TAB2: variants seen among roughly 807,000 people sequenced by gnomAD.
TAB2 encodes the protein TGF-beta activated kinase 1 (MAP3K7) binding protein 2, also known as TGF-beta-activated kinase 1 and MAP3K7-binding protein 2.
In TAB2, 3 loss-of-function variants were observed where a neutral mutation model predicts 65.0. The ratio of observed to expected loss-of-function variants is 0.05; its 90% CI spans 0.02 to 0.12. The LOEUF is 0.12. Among genes scored for constraint, TAB2 ranks in the 10% least tolerant of loss-of-function variants. TAB2 has a pLI of 1.00. For synonymous variants in TAB2, 298 were observed against 285.1 expected (o/e 1.05, Z -0.46); for missense variants, 623 against 840.3 (o/e 0.74, Z 3.20).
chr6:149,260,027 T>A (rs1360485708), intron 1 of TAB2, among the ~76,000 whole-genome samples: 1 of 152,224 alleles, frequency 6.6e-6, no homozygotes, highest in Non-Finnish European at 1.5e-5. Flanking sequence ...ATCTGCCCTC[T>A]TTCTCAATCA....
intron 1 of TAB2, among the ~76,000 whole-genome samples, chr6:149,360,336 T>G (rs1292008841): frequency 6.6e-6 from 1 of 152,208 alleles, no homozygotes; most frequent in Admixed American, 6.5e-5. Context: ...TTGCCAAGCA[T>G]CGGCTCACCT....
At chr6:149,332,325 ATTTG>A (rs1562419622) in intron 1 of TAB2, among the ~76,000 whole-genome samples, 1 of 152,274 alleles carries the variant, frequency 6.6e-6, no homozygotes, top group East Asian at 1.9e-4. Flanking sequence ...TTATAGTGGT[ATTTG>A]TTTAAAACTA....
chr6:149,296,489 T>C (rs1220805445), intron 1 of TAB2, among the ~76,000 whole-genome samples: 2 of 152,258 alleles, frequency 1.3e-5, no homozygotes, highest in African/African-American at 4.8e-5. Context: ...AATGTCTTAC[T>C]GTCTTGTCAT....
intron 2 of TAB2, among the ~76,000 whole-genome samples, chr6:149,373,137 CT>C (rs1431408860): frequency 4.6e-5 from 7 of 152,136 alleles, no homozygotes; most frequent in African/African-American, 1.7e-4. Flanking sequence ...TGTAAGATAA[CT>C]TATAACCAGC....
chr6:149,366,631 T>C (rs1781048440), intron 1 of TAB2, among the ~76,000 whole-genome samples: 1 of 152,174 alleles, frequency 6.6e-6, no homozygotes, highest in Non-Finnish European at 1.5e-5. Flanking sequence ...TTTTCTTCCC[T>C]CCACCAATTT....
At chr6:149,344,563 G>T (rs911068384) in intron 1 of TAB2, among the ~76,000 whole-genome samples, 1 of 152,134 alleles carries the variant, frequency 6.6e-6, no homozygotes, top group Non-Finnish European at 1.5e-5. Context: ...AGAATAGTTG[G>T]ATAGGGAGGG....
At chr6:149,399,464 C>G (rs1308681363) in intron 6 of TAB2, among the ~76,000 whole-genome samples, 2 of 151,924 alleles carry the variant, frequency 1.3e-5, no homozygotes, top group African/African-American at 2.4e-5. Flanking sequence ...AAAACAATTA[C>G]TAAGTACAAA....
intron 1 of TAB2, among the ~76,000 whole-genome samples, chr6:149,266,241 C>T (rs905288101): frequency 1.3e-5 from 2 of 152,158 alleles, no homozygotes; most frequent in African/African-American, 4.8e-5. Context: ...AAAAGGAGCC[C>T]AAGGGATCCC....
chr6:149,347,550 A>G (rs990035918), intron 1 of TAB2, among the ~76,000 whole-genome samples: 2 of 152,166 alleles, frequency 1.3e-5, no homozygotes, highest in Non-Finnish European at 2.9e-5. Flanking sequence ...TTTGCAGATA[A>G]CTGATTATCT....
At chr6:149,257,509 G>A (rs946180980) in intron 1 of TAB2, 3 of 152,150 alleles carry the variant, frequency 2.0e-5, no homozygotes, top group Admixed American at 6.5e-5. Flanking sequence ...TGGACCGAAT[G>A]CAGCTGAAGT....
Position 149,317,872 on chromosome 6 carries a change from C to A in TAB2, c.-233C>A, listed in dbSNP as rs940915268. 1 of 165,862 alleles carries A rather than the reference C, an allele frequency of 6.0e-6. No homozygotes were observed. Among genetic ancestry groups the A allele is most frequent in the South Asian group, 1.1e-4 (1 of 8,804 alleles). The allele number at this position is 165,862 out of a possible 1,614,324, so 10.3% of individuals were successfully genotyped here. Reference sequence around the variant, plus strand: ...GGGAGGGAGGGAGGGCTGAGGTGTCCCCCCTGCCGGGTGGAACCGGAGGCG... The same window carrying A: ...GGGAGGGAGGGAGGGCTGAGGTGTCACCCCTGCCGGGTGGAACCGGAGGCG... On this transcript the variant is annotated 5_prime_UTR_variant, in exon 1 of 7. Coordinates refer to ENST00000637181, the MANE Select transcript of TAB2 (RefSeq NM_001292034.3). The surrounding 1 kb of genome is among the most constrained non-coding windows in gnomAD (Gnocchi z 4.7).
intron 1 of TAB2, among the ~76,000 whole-genome samples, chr6:149,342,008 T>C (rs1444971966): frequency 6.7e-6 from 1 of 150,294 alleles, no homozygotes; most frequent in African/African-American, 2.4e-5. Context: ...GTTGCAAGTT[T>C]GTTTTTGGTT....
chr6:149,265,634 A>G (rs1005302344), intron 1 of TAB2, among the ~76,000 whole-genome samples: 2 of 152,166 alleles, frequency 1.3e-5, no homozygotes, highest in Non-Finnish European at 2.9e-5. Context: ...TTTTATGAAA[A>G]GTAGAATAAA....
intron 1 of TAB2, among the ~76,000 whole-genome samples, chr6:149,351,233 G>C (rs987597454): frequency 6.6e-6 from 1 of 152,130 alleles, no homozygotes; most frequent in Non-Finnish European, 1.5e-5. Flanking sequence ...AGCTTTGTCA[G>C]ATTTCCCCAA....
At chr6:149,304,508 T>C (rs1779024581) in intron 1 of TAB2, 1 of 152,448 alleles carries the variant, frequency 6.6e-6, no homozygotes, top group Non-Finnish European at 1.5e-5. Context: ...GTTTCAGAAG[T>C]GGGACATGTC....
chr6:149,344,673 C>G (rs979383525), intron 1 of TAB2, among the ~76,000 whole-genome samples: 2 of 152,056 alleles, frequency 1.3e-5, no homozygotes, highest in Non-Finnish European at 2.9e-5. Flanking sequence ...TTTCTCAGAA[C>G]TGGTATGTGT....
At position 149,275,286 on chromosome 6, in the gene TAB2, A is replaced by AAGAAAGAAAGAAAGAAAGAAAGAT. The variant is rs1554255842; in HGVS notation, c.-121+56525_-121+56526insAAGAAAGATAGAAAGAAAGAAAGA. Reference sequence around the variant, plus strand: ...AAAGAAAGAAAGAAAGAAAGAAAGAAAGAAAGAAAGAAAGAGAAAAAAGAA... The same window carrying AAGAAAGAAAGAAAGAAAGAAAGAT: ...AAAGAAAGAAAGAAAGAAAGAAAGAAAGAAAGAAAGAAAGAAAGAAAGATAGAAAGAAAGAAAGAGAAAAAAGAA... On this transcript the variant is annotated intron_variant, in intron 1 of 1. Coordinates refer to the TAB2 transcript ENST00000606202. 3.5e-4 allele frequency among the ~76,000 whole-genome samples: 52 copies of AAGAAAGAAAGAAAGAAAGAAAGAT among 146,730 alleles called. 2 individuals are homozygous for AAGAAAGAAAGAAAGAAAGAAAGAT. Among genetic ancestry groups the AAGAAAGAAAGAAAGAAAGAAAGAT allele is most frequent in the African/African-American group, 1.2e-3 (48 of 40,050 alleles).
At chr6:149,317,640 T>TGGGGGCAGAGGGAGGTGG (rs1779294644), upstream of TAB2, 1 of 80,086 alleles carries the variant, frequency 1.2e-5, no homozygotes, top group South Asian at 3.5e-4. This position sits in a 1 kb window ranked among gnomAD's most constrained non-coding sequence, Gnocchi z 4.7. Context: ...GCGAGGGGGG[T>TGGGGGCAGAGGGAGGTGG]GGGGGCAGAG....
chr6:149,353,953 T>C (rs1189658866), intron 1 of TAB2, among the ~76,000 whole-genome samples: 1 of 152,226 alleles, frequency 6.6e-6, no homozygotes, highest in Admixed American at 6.5e-5. Flanking sequence ...CACTAAAACT[T>C]TGGAGTCCAA....
Sources: allele counts gnomAD v4.1 joint callset (sites outside exome capture counted in the v4.1 genomes callset), GRCh38; gene constraint gnomAD v4.1.1; non-coding constraint Gnocchi (gnomAD v3.1); transcripts MANE v1.5; gene names NCBI Gene and HGNC (gene_info 2026-07-23, HGNC 2026-07-21).